Variants in BLM observed in about 807,000 individuals in gnomAD.
BLM encodes recQ-like DNA helicase BLM.
In BLM, 95 loss-of-function variants were observed where a neutral mutation model predicts 135.3. The ratio of observed to expected loss-of-function variants is 0.70; its 90% CI spans 0.59 to 0.83. BLM has a LOEUF of 0.83. BLM is among the 40% of genes least tolerant of loss of function. The pLI is 0.00. For missense variants in BLM, 1,518 were observed against 1,663.9 expected, an observed-to-expected ratio of 0.91 and a Z score of 1.53; for synonymous variants, 520 against 589.2, an observed-to-expected ratio of 0.88 and a Z score of 1.70.
chr15:90,766,650 A>T (rs1365998993), intron 9 of BLM, among the ~76,000 whole-genome samples: 1 of 151,610 alleles, frequency 6.6e-6, no homozygotes, highest in African/African-American at 2.4e-5. Context: ...CTAGTCTTGA[A>T]CTCCTGACCC....
intron 1 of BLM, among the ~76,000 whole-genome samples, chr15:90,739,547 CAT>C (rs1373468225): frequency 6.6e-6 from 1 of 152,166 alleles, no homozygotes; most frequent in Non-Finnish European, 1.5e-5. Context: ...AATTCTGACA[CAT>C]GTCTCACAAC....
chr15:90,802,758 T>C (rs1023903452), intron 17 of BLM, among the ~76,000 whole-genome samples: 5 of 152,092 alleles, frequency 3.3e-5, no homozygotes, highest in African/African-American at 9.7e-5. Context: ...GCCTGAGCAA[T>C]GTAGTGAGAC....
chr15:90,723,406 C>G (rs1894822547), intron 1 of BLM, among the ~76,000 whole-genome samples: 1 of 150,710 alleles, frequency 6.6e-6, no homozygotes. Context: ...GTAATCCCAG[C>G]ACTTTGGGAG....
At chr15:90,768,457 T>A (rs139560852) in intron 10 of BLM, among the ~76,000 whole-genome samples, 134 of 152,290 alleles carry the variant, frequency 8.8e-4, no homozygotes, top group African/African-American at 3.2e-3. Flanking sequence ...CTAGGCCCTG[T>A]TATGAAGAGA....
At chr15:90,736,443 A>T (rs113551262) in intron 1 of BLM, among the ~76,000 whole-genome samples, 2 of 151,964 alleles carry the variant, frequency 1.3e-5, no homozygotes, top group African/African-American at 2.4e-5. Context: ...AATTTTTTTT[A>T]TAGAGACGGA....
chr15:90,735,853 G>C (rs1360471440), intron 1 of BLM, among the ~76,000 whole-genome samples: 1 of 152,008 alleles, frequency 6.6e-6, no homozygotes, highest in Non-Finnish European at 1.5e-5. Flanking sequence ...TTAAAAGATA[G>C]ATGAGAAACC....
chr15:90,760,966 A>C lies in BLM; in HGVS notation c.1593A>C (p.Lys531Asn). The change falls in exon 7 of 22, where the codon AAA (lysine) becomes AAC (asparagine). Residue 531 changes from lysine to asparagine, a missense_variant. By Grantham distance (94) the Lys-to-Asn change is moderately conservative (BLOSUM62 0). Around this residue, in one of 5 missense-constraint regions of BLM, gnomAD observed 724 missense variants for 756.9 expected, o/e 0.96. Transcript: ENST00000355112. ...PGNVLTSTAV[K>N]DQNKHTASIN... ...ATGTTCTCACAAGCACTGCTGTGAA[A>C]GATCAGAATAAACATACTGCTTCAA... The C allele has an allele frequency of 6.2e-7, 1 of 1,614,108 alleles. No individual in the cohort carries two copies. The highest frequency in any genetic ancestry group is 8.5e-7 in the Non-Finnish European group (1 of 1,180,032).
chr15:90,779,606 C>T (rs912405018), intron 12 of BLM, among the ~76,000 whole-genome samples: 2 of 152,000 alleles, frequency 1.3e-5, no homozygotes, highest in Non-Finnish European at 2.9e-5. Flanking sequence ...GAGTTTTTTG[C>T]AAAGAAATGC....
intron 2 of BLM, among the ~76,000 whole-genome samples, chr15:90,747,943 G>T (rs1374686545): frequency 6.6e-6 from 1 of 151,996 alleles, no homozygotes; most frequent in Non-Finnish European, 1.5e-5. Flanking sequence ...GAGTAGCTGG[G>T]ACTACAGGCA....
At chr15:90,770,631 T>C (rs2151167590) in intron 12 of BLM, among the ~76,000 whole-genome samples, 1 of 152,386 alleles carries the variant, frequency 6.6e-6, no homozygotes, top group Non-Finnish European at 1.5e-5. Flanking sequence ...TTCTGATTTA[T>C]TAGTGTGCAC....
In BLM at chr15:90,785,053, A is replaced by G. The variant is rs1427273201; in HGVS notation, c.2795A>G (p.Gln932Arg). The G allele has an allele frequency of 1.9e-6, 3 of 1,614,108 alleles. No homozygotes were observed. In the African/African-American group the frequency reaches 4.0e-5, roughly 22 times the overall value. Residue 932 changes from glutamine (Q) to arginine (R), a missense_variant, in exon 14 of 22, where the codon CAG becomes CGG. Around this residue, in one of 5 missense-constraint regions of BLM, gnomAD observed 626 missense variants for 681.1 expected, o/e 0.92. Coordinates refer to ENST00000355112, the MANE Select transcript of BLM (RefSeq NM_000057.4). ...LSDSARDEVQ[Q>R]KWINQDGCQV... The stretch of plus-strand genomic sequence containing the variant: ...GATTCTGCCAGAGATGAAGTGCAGC[A>G]GAAGTGGATTAATCAGGATGGCTGT...
Position 90,756,599 on chromosome 15 carries a change from G to T in BLM, c.1087+1661G>T, listed in dbSNP as rs532296419. Among the ~76,000 whole-genome samples the T allele has an allele frequency of 6.6e-5, 10 of 152,310 alleles. No homozygotes were observed. In the South Asian group the frequency reaches 1.9e-3, roughly 28 times the overall value. ...ATCATTAAGTTTCACTAATAAAATG[G>T]TTAGCTAGAACAGGGGCAAGGACAG... On this transcript the variant is annotated intron_variant, in intron 5 of 21. Transcript: ENST00000355112.
chr15:90,802,145 C>T (rs1259000018), intron 17 of BLM, among the ~76,000 whole-genome samples: 4 of 152,152 alleles, frequency 2.6e-5, no homozygotes, highest in African/African-American at 4.8e-5. Context: ...ATTAGCAGAA[C>T]GGTAGTTCTG....
chr15:90,790,507 G>T, intron 14 of BLM, 142 bp from the exon 15 acceptor site: 2 of 769,670 alleles, frequency 2.6e-6, no homozygotes, highest in Non-Finnish European at 4.3e-6. Flanking sequence ...CTAAATAGTT[G>T]GACCAAGTTA....
chr15:90,744,775 C>T (rs544876605), intron 1 of BLM, among the ~76,000 whole-genome samples: 19 of 152,026 alleles, frequency 1.2e-4, no homozygotes, highest in Admixed American at 1.0e-3. Flanking sequence ...GGAGGCTGGG[C>T]GCGGTGGCTC....
Position 90,743,465 on chromosome 15 carries a change from C to T in BLM, c.-4-3924C>T, listed in dbSNP as rs189205624. Among the ~76,000 whole-genome samples the T allele has an allele frequency of 1.1e-3, 168 of 152,138 alleles. 1 individual carries two copies. Among genetic ancestry groups the T allele is most frequent in the African/African-American group, 3.7e-3 (155 of 41,498 alleles). On this transcript the variant is annotated intron_variant, in intron 1 of 21. Coordinates refer to ENST00000355112, the MANE Select transcript of BLM (RefSeq NM_000057.4). ...CTTTTTTTAATATTGTGAAACTTCACTAGCCTCAATTTATTTGTTTTCAGT... is the reference window on the plus strand; with the variant it reads ...CTTTTTTTAATATTGTGAAACTTCATTAGCCTCAATTTATTTGTTTTCAGT...
At chr15:90,794,066 A>G in intron 15 of BLM, 101 bp from the exon 16 acceptor site, 1 of 794,642 alleles carries the variant, frequency 1.3e-6, no homozygotes, top group Admixed American at 3.1e-5. Context: ...TAATTTTCTT[A>G]TTTAATATTT....
intron 15 of BLM, among the ~76,000 whole-genome samples, chr15:90,793,218 C>T (rs998265688): frequency 6.7e-6 from 1 of 149,594 alleles, no homozygotes; most frequent in Non-Finnish European, 1.5e-5. Flanking sequence ...TCACTACAAC[C>T]TCCACCTCCT....
At chr15:90,785,259 A>G (rs181487398) in intron 14 of BLM, among the ~76,000 whole-genome samples, 178 bp downstream of exon 14, 44 of 152,352 alleles carry the variant, frequency 2.9e-4, no homozygotes, top group Admixed American at 1.2e-3. Flanking sequence ...TTTCATAAAA[A>G]AAATCTGCTT....
Sources: gnomAD v4.1 joint callset for allele counts (sites outside exome capture counted in the v4.1 genomes callset) on GRCh38, gnomAD v4.1.1 for gene constraint, gnomAD v4.1.1 regional missense constraint, MANE v1.5 for transcripts, NCBI Gene and HGNC (gene_info 2026-07-23, HGNC 2026-07-21) for gene names.